The following RPS6 variants were observed in gnomAD, a reference collection of about 807,000 sequenced individuals.
RPS6 encodes ribosomal protein S6, also known as small ribosomal subunit protein eS6.
Under a neutral mutation model 27.1 loss-of-function variants are expected in RPS6, and 1 was observed. The ratio of observed to expected loss-of-function variants is 0.04; its 90% CI spans 0.01 to 0.18. RPS6 has a LOEUF of 0.18. Among genes scored for constraint, RPS6 ranks in the 10% least tolerant of loss-of-function variants. The probability of loss-of-function intolerance (pLI) is 1.00; values close to 1 mark genes in which losing one functional copy is unlikely to be tolerated. For synonymous variants in RPS6, 152 were observed against 106.0 expected (o/e 1.43, Z -2.66); for missense variants, 259 against 319.1 (o/e 0.81, Z 1.44).
intron 1 of RPS6, 114 bp from the exon 2 acceptor site, chr9:19,379,732 C>T: frequency 1.3e-6 from 2 of 1,507,976 alleles, no homozygotes; most frequent in East Asian, 2.3e-5. Context: ...TCCACACAAG[C>T]AGGAAATATA....
At chr9:19,376,945 T>C (rs1829598898) in intron 4 of RPS6, 3 of 231,950 alleles carry the variant, frequency 1.3e-5, no homozygotes, top group South Asian at 2.0e-4. Flanking sequence ...AATATATAAC[T>C]GTGCATAGTT....
intron 2 of RPS6, chr9:19,379,286 T>C: frequency 6.8e-7 from 1 of 1,468,574 alleles, no homozygotes; most frequent in South Asian, 1.4e-5. Flanking sequence ...TATGTTGATG[T>C]AAACTTTACG....
intron 2 of RPS6, 64 bp from the exon 3 acceptor site, chr9:19,378,982 T>C: frequency 6.8e-7 from 1 of 1,481,120 alleles, no homozygotes; most frequent in Admixed American, 1.9e-5. Flanking sequence ...CAGTACAGGA[T>C]TGTGACCTCT....
At chr9:19,379,184 C>A in intron 2 of RPS6, 1 of 952,592 alleles carries the variant, frequency 1.0e-6, no homozygotes, top group Non-Finnish European at 1.5e-6. Context: ...CAAACAGCAA[C>A]AAACAAATCA....
chr9:19,378,129 C>T (rs1448735459), intron 4 of RPS6, among the ~76,000 whole-genome samples: 1 of 152,172 alleles, frequency 6.6e-6, no homozygotes, highest in Non-Finnish European at 1.5e-5. Flanking sequence ...ATAATGTATA[C>T]ATCAAAGATT....
At position 19,379,839 on chromosome 9, in the gene RPS6, T is replaced by G. The variant is rs570889419; in HGVS notation, c.7-221A>C. Reference sequence around the variant, plus strand: ...CGTTTTCCCCTCAAGCCCCGCGGAATGACTCTGGGGGCGAGGGCACTCCGC... The same window carrying G: ...CGTTTTCCCCTCAAGCCCCGCGGAAGGACTCTGGGGGCGAGGGCACTCCGC... On this transcript the variant is annotated intron_variant, in intron 1 of 5. Transcript: ENST00000380394. 229 of 1,424,530 alleles carry G rather than the reference T, an allele frequency of 1.6e-4. 5 individuals carry two copies. In the South Asian group the frequency reaches 3.3e-3, roughly 21 times the overall value. 88.2% of individuals were successfully genotyped at this position (1,424,530 alleles called of 1,614,324 possible).
intron 4 of RPS6, 79 bp from the exon 5 acceptor site, chr9:19,376,730 A>T: frequency 7.1e-7 from 1 of 1,409,630 alleles, no homozygotes; most frequent in South Asian, 1.3e-5. Context: ...TCAGAAATAA[A>T]CGTAAGCTTA....
At chr9:19,376,684 TTTG>T (rs1401065136) in intron 4 of RPS6, 33 bp from the exon 5 acceptor site, 5 of 1,583,848 alleles carry the variant, frequency 3.2e-6, no homozygotes, top group Non-Finnish European at 4.3e-6. Flanking sequence ...CATTTCAATA[TTTG>T]TTTTGTTAGA....
chr9:19,379,746 T>C, intron 1 of RPS6, 128 bp from the exon 2 acceptor site: 1 of 1,501,680 alleles, frequency 6.7e-7, no homozygotes. Flanking sequence ...AAATATAAGA[T>C]GCCGACTGTA....
At position 19,378,781 on chromosome 9, in the gene RPS6, T is replaced by C; in HGVS notation, c.276A>G (p.Arg92=). The change falls in exon 3 of 6, where the codon AGA becomes AGG. Residue 92 remains arginine, a synonymous_variant. Coordinates refer to ENST00000380394, the MANE Select transcript of RPS6 (RefSeq NM_001010.3). ...TGCAACCACGAACTGATTTTCTCTT[T>C]CTTTCTCCAGTTCTCCTTGGTCTGT... The part of the protein sequence containing the change: ...SCYRPRRTGE[R]KRKSVRGCIV... 6.2e-7 allele frequency: 1 copy of C among 1,614,194 alleles called. No individual in the cohort carries two copies. Among genetic ancestry groups the C allele is most frequent in the Non-Finnish European group, 8.5e-7 (1 of 1,180,032 alleles).
intron 2 of RPS6, chr9:19,379,239 G>C: frequency 7.4e-7 from 1 of 1,351,316 alleles, no homozygotes; most frequent in Non-Finnish European, 9.9e-7. Context: ...GGACAGCTAT[G>C]TGACATATTG....
At chr9:19,380,138 G>A in intron 1 of RPS6, 52 bp downstream of exon 1, 1 of 1,613,910 alleles carries the variant, frequency 6.2e-7, no homozygotes, top group South Asian at 1.1e-5. Flanking sequence ...CGCGTTCTGG[G>A]ACTCGATTCA....
chr9:19,378,287 A>G (rs1829622759), intron 4 of RPS6, 81 bp downstream of exon 4: 9 of 1,403,730 alleles, frequency 6.4e-6, no homozygotes, highest in Admixed American at 3.7e-5. Flanking sequence ...CCAAAGGCAC[A>G]TATTTATCTT....
chr9:19,379,189 AAATCAGATACAACCCTTTTTGGC>A, intron 2 of RPS6: 3 of 976,748 alleles, frequency 3.1e-6, no homozygotes, highest in Non-Finnish European at 4.4e-6. Context: ...AGCAACAAAC[AAATCAGATACAACCCTTTTTGGC>A]ACTTTGGGGA....
At chr9:19,379,120 C>T (rs959657072) in intron 2 of RPS6, 8 of 761,458 alleles carry the variant, frequency 1.1e-5, no homozygotes, top group African/African-American at 1.8e-5. Context: ...TCTTTCAAGT[C>T]GCATTTCTAA....
At chr9:19,378,006 T>C (rs1829617855) in intron 4 of RPS6, among the ~76,000 whole-genome samples, 1 of 152,272 alleles carries the variant, frequency 6.6e-6, no homozygotes, top group African/African-American at 2.4e-5. Context: ...ATATTAATAA[T>C]TTAGAACATC....
At position 19,376,288 on chromosome 9, in the gene RPS6, A is replaced by T; in HGVS notation, c.*5T>A. On this transcript the variant is annotated 3_prime_UTR_variant, in exon 6 of 6. Coordinates refer to ENST00000380394, the MANE Select transcript of RPS6 (RefSeq NM_001010.3). ...TGATCTTATTTATTTGTTACTCAAA[A>T]AATCTTATTTCTGACTGGATTCAGA... 1 of 1,606,760 alleles carries T rather than the reference A, an allele frequency of 6.2e-7. No homozygotes were observed. Among genetic ancestry groups the T allele is most frequent in the South Asian group, 1.1e-5 (1 of 90,130 alleles).
rs1441291397 is a variant in RPS6 at position 19,376,210 on chromosome 9, C to CTTCAT, written c.*78_*82dup. 6 of 1,208,520 alleles carry CTTCAT rather than the reference C, an allele frequency of 5.0e-6. No individual in the cohort carries two copies. The highest frequency in any genetic ancestry group is 7.1e-6 in the Non-Finnish European group (6 of 842,324). The allele number at this position is 1,208,520 out of a possible 1,614,324, so 74.9% of individuals were successfully genotyped here. On this transcript the variant is annotated 3_prime_UTR_variant, in exon 6 of 6. Coordinates refer to ENST00000380394, the MANE Select transcript of RPS6 (RefSeq NM_001010.3). ...TTTTCTATGACCTAACTTTCCCTCTCTTCATTTATGTAGTTTTCTATCAGC... is the reference window on the plus strand; with the variant it reads ...TTTTCTATGACCTAACTTTCCCTCTCTTCATTTCATTTATGTAGTTTTCTATCAGC...
intron 1 of RPS6, 157 bp downstream of exon 1, chr9:19,380,033 A>AAAAGCTC (rs1475421677): frequency 6.5e-7 from 1 of 1,547,698 alleles, no homozygotes; most frequent in African/African-American, 1.4e-5. Flanking sequence ...CGTTCGGCCA[A>AAAAGCTC]AAAGCTCCAT....
Sources: allele counts gnomAD v4.1 joint callset (sites outside exome capture counted in the v4.1 genomes callset), GRCh38; gene constraint gnomAD v4.1.1; transcripts MANE v1.5; gene names NCBI Gene and HGNC (gene_info 2026-07-23, HGNC 2026-07-21).